The following GK variants were observed in gnomAD, a reference collection of about 807,000 sequenced individuals.
GK encodes the protein ATP:glycerol 3-phosphotransferase.
In GK, 9 loss-of-function variants were observed where a neutral mutation model predicts 56.4. That is an observed-to-expected ratio of 0.16 (90% confidence interval 0.10 to 0.28). The LOEUF is 0.28. Among genes scored for constraint, GK ranks in the 10% least tolerant of loss-of-function variants. The probability of loss-of-function intolerance (pLI) is 1.00; values close to 1 mark genes in which losing one functional copy is unlikely to be tolerated. For missense variants in GK, 161 were observed against 431.4 expected (o/e 0.37, Z 5.55); for synonymous variants, 104 against 144.1 (o/e 0.72, Z 1.99).
chrX:30,711,822 C>T (rs921034066), intron 13 of GK, among the ~76,000 whole-genome samples: 1 of 111,497 alleles, frequency 9.0e-6, no homozygotes, highest in Non-Finnish European at 1.9e-5. Context: ...GTTCATAGAA[C>T]GCCGCCAATC....
Position 30,677,980 on chromosome X carries a change from C to G in GK, c.337+528C>G, listed in dbSNP as rs768822311. ...CATAGTGAATTAACTCTCCCATGCT[C>G]TCTCCTCTTGCAGATTGTCTTACAA... On this transcript the variant is annotated intron_variant, in intron 4 of 20. Coordinates refer to ENST00000427190, the MANE Select transcript of GK (RefSeq NM_001205019.2). 110 of 547,482 alleles carry G rather than the reference C, an allele frequency of 2.0e-4. No individual in the cohort carries two copies. In the Middle Eastern group the frequency reaches 0.013, roughly 65 times the overall value. The allele number at this position is 547,482 out of a possible 1,213,427, so 45.1% of individuals were successfully genotyped here. A position where few individuals can be genotyped will look rare whatever the true frequency, so the allele number is the denominator to read the frequency against.
At chrX:30,701,263 G>T (rs940528987) in intron 11 of GK, among the ~76,000 whole-genome samples, 2 of 111,018 alleles carry the variant, frequency 1.8e-5, no homozygotes, top group Non-Finnish European at 1.9e-5. Flanking sequence ...TACAAAATTA[G>T]CCGGGCGTGT....
chrX:30,670,482 A>T (rs1933407214), intron 3 of GK, among the ~76,000 whole-genome samples: 1 of 111,839 alleles, frequency 8.9e-6, no homozygotes, highest in Admixed American at 9.6e-5. Context: ...GTGTCTGGCC[A>T]GTGTGAAGTC....
intron 1 of GK, among the ~76,000 whole-genome samples, chrX:30,663,767 G>A (rs772499829): frequency 9.3e-6 from 1 of 107,927 alleles, no homozygotes; most frequent in East Asian, 2.9e-4. Context: ...CCTAGGCATG[G>A]AAACACTTTA....
At chrX:30,667,859 C>A in intron 2 of GK, among the ~76,000 whole-genome samples, 153 bp from the exon 3 acceptor site, 1 of 112,328 alleles carries the variant, frequency 8.9e-6, no homozygotes, top group East Asian at 2.8e-4. Context: ...TTCTTGAAAT[C>A]ATTTCTTTAA....
intron 1 of GK, among the ~76,000 whole-genome samples, chrX:30,656,868 TGAGACAG>T (rs1932327238): frequency 8.9e-6 from 1 of 112,745 alleles, no homozygotes; most frequent in Admixed American, 9.4e-5. Context: ...TTTATTTTTT[TGAGACAG>T]AATCTCGCTC....
At chrX:30,673,372 T>G (rs1933672429) in intron 3 of GK, among the ~76,000 whole-genome samples, 1 of 112,394 alleles carries the variant, frequency 8.9e-6, no homozygotes, top group Admixed American at 9.5e-5. Context: ...CCTGAATGTG[T>G]TATTCCAAGA....
At chrX:30,667,530 G>C (rs1933168586) in intron 2 of GK, among the ~76,000 whole-genome samples, 1 of 111,471 alleles carries the variant, frequency 9.0e-6, no homozygotes, top group South Asian at 3.7e-4. Context: ...AACATTTTGG[G>C]AAAAAAGTAG....
chrX:30,664,831 G>C (rs1156779150), intron 1 of GK, among the ~76,000 whole-genome samples: 1 of 105,449 alleles, frequency 9.5e-6, no homozygotes, highest in Non-Finnish European at 1.9e-5. Context: ...AGCCTCCTGA[G>C]TAGCTGGGAT....
chrX:30,703,877 C>T (rs1935826963), intron 11 of GK, among the ~76,000 whole-genome samples: 1 of 106,774 alleles, frequency 9.4e-6, no homozygotes, highest in South Asian at 4.2e-4. Flanking sequence ...ATGAAAATTG[C>T]TTGAACCTGG....
chrX:30,685,687 A>G (rs1241174963), intron 4 of GK, among the ~76,000 whole-genome samples: 3 of 112,086 alleles, frequency 2.7e-5, no homozygotes, highest in Non-Finnish European at 3.8e-5. Flanking sequence ...GAGTTCTCCA[A>G]TCTTTAATAA....
At chrX:30,707,671 A>G (rs957119464) in intron 12 of GK, 73 bp downstream of exon 12, 5 of 593,540 alleles carry the variant, frequency 8.4e-6, no homozygotes, top group African/African-American at 2.3e-5. Flanking sequence ...ATAATTTACT[A>G]TTAAACAACT....
At chrX:30,727,374 G>A in intron 19 of GK, 92 bp from the exon 20 acceptor site, 1 of 546,174 alleles carries the variant, frequency 1.8e-6, no homozygotes, top group East Asian at 3.5e-5. Context: ...ATTTTGTTTT[G>A]CTATCTTGTG....
chrX:30,694,622 C>A, intron 6 of GK, 85 bp downstream of exon 6: 2 of 786,916 alleles, frequency 2.5e-6, no homozygotes, highest in South Asian at 4.5e-5. Flanking sequence ...ACTAGCAGGT[C>A]AGACTTTTTA....
chrX:30,671,291 CAAAAAAAAAAAAA>C (rs56822779), intron 3 of GK, among the ~76,000 whole-genome samples: 2 of 27,310 alleles, frequency 7.3e-5, no homozygotes, highest in Admixed American at 8.9e-4. Flanking sequence ...AACTCCATCT[CAAAAAAAAAAAAA>C]AAAAAAAAAA....
In GK at chrX:30,707,533, A is replaced by G. The variant is rs777198415; in HGVS notation, c.852-23A>G. On this transcript the variant is annotated intron_variant, in intron 11 of 20. Transcript: ENST00000427190. Reference sequence around the variant, plus strand: ...TTGCTTTCAATAAAATTGTCTTACTATTCATTCTCCCTTCAACCATAGGTA... The same window carrying G: ...TTGCTTTCAATAAAATTGTCTTACTGTTCATTCTCCCTTCAACCATAGGTA... 3.2e-6 allele frequency: 3 copies of G among 943,617 alleles called. No homozygotes were observed. The South Asian group carries it at 6.0e-5, about 19-fold the overall frequency. 77.8% of individuals were successfully genotyped at this position (943,617 alleles called of 1,213,427 possible).
At chrX:30,656,288 G>C (rs1016514132) in intron 1 of GK, among the ~76,000 whole-genome samples, 2 of 112,167 alleles carry the variant, frequency 1.8e-5, no homozygotes, top group African/African-American at 6.5e-5. Context: ...TCTCAGGAAA[G>C]AATACAGTGG....
chrX:30,664,079 ATTTTATATATATCTATATATAT>A (rs1932890249), intron 1 of GK, among the ~76,000 whole-genome samples: 1 of 81,638 alleles, frequency 1.2e-5, no homozygotes, highest in African/African-American at 4.8e-5. Flanking sequence ...ATAGATATAT[ATTTTATATATATCTATATATAT>A]TTTATAGATA....
At chrX:30,675,357 G>A (rs773219842) in intron 3 of GK, among the ~76,000 whole-genome samples, 4 of 105,079 alleles carry the variant, frequency 3.8e-5, no homozygotes, top group African/African-American at 1.0e-4. Context: ...CACCACACCC[G>A]GCTAATTTTT....
Sources: allele counts gnomAD v4.1 joint callset (sites outside exome capture counted in the v4.1 genomes callset), GRCh38; gene constraint gnomAD v4.1.1; transcripts MANE v1.5; gene names NCBI Gene and HGNC (gene_info 2026-07-23, HGNC 2026-07-21).